The following SEPTIN2 variants were observed in gnomAD, a reference collection of about 807,000 sequenced individuals.
SEPTIN2 encodes the protein septin 2, also known as septin-2.
In SEPTIN2, 34 loss-of-function variants were observed where a neutral mutation model predicts 46.5. The observed-to-expected ratio is 0.73, with a 90% CI of 0.56 to 0.97. The LOEUF (loss-of-function observed/expected upper bound fraction) is 0.97, where lower values mean the gene tolerates loss of function less well. Ranked by LOEUF, SEPTIN2 falls within the 50% of genes least tolerant of loss-of-function variation. The pLI, the probability that SEPTIN2 is intolerant of heterozygous loss-of-function variation, is 0.00. For missense variants in SEPTIN2, 347 were observed against 448.4 expected (o/e 0.77, Z 2.04); for synonymous variants, 175 against 153.4 (o/e 1.14, Z -1.04).
Position 241,320,457 on chromosome 2 carries a change from T to G in SEPTIN2, c.-17-3759T>G, listed in dbSNP as rs755851210. Reference sequence around the variant, plus strand: ...ATTTTAGCTACTTTTCTATATTTGCTATTTTTTCCTGAATTGGGCTTGTGA... The same window carrying G: ...ATTTTAGCTACTTTTCTATATTTGCGATTTTTTCCTGAATTGGGCTTGTGA... On this transcript the variant is annotated intron_variant, in intron 1 of 12. Transcript: ENST00000391971. Among the ~76,000 whole-genome samples the G allele has an allele frequency of 1.1e-4, 17 of 152,226 alleles. 1 individual carries two copies. The highest frequency in any genetic ancestry group is 6.2e-4 in the South Asian group (3 of 4,832).
intron 1 of SEPTIN2, 70 bp from the exon 2 acceptor site, chr2:241,324,146 A>C (rs1012725084): frequency 1.4e-6 from 2 of 1,432,354 alleles, no homozygotes; most frequent in African/African-American, 2.9e-5. Context: ...CACGCTGTTA[A>C]ATATACGTGC....
intron 2 of SEPTIN2, chr2:241,324,715 T>C: frequency 5.2e-6 from 1 of 191,852 alleles, no homozygotes; most frequent in Non-Finnish European, 1.1e-5. Flanking sequence ...TGGAGCTTTC[T>C]CTTTTTTCAG....
At chr2:241,328,574 T>TAA (rs1004608825) in intron 3 of SEPTIN2, among the ~76,000 whole-genome samples, 19 of 140,488 alleles carry the variant, frequency 1.4e-4, no homozygotes, top group African/African-American at 5.0e-4. Context: ...CTGCCTTTAC[T>TAA]AAAAAAAAAA....
rs746889013 is a variant in SEPTIN2 at position 241,336,069 on chromosome 2, C to G, written c.312C>G (p.Gly104=). Residue 104 remains glycine, a synonymous_variant, in exon 5 of 13, where the codon GGC becomes GGG. Coordinates refer to ENST00000391971, the MANE Select transcript of SEPTIN2 (RefSeq NM_004404.5). ...KLRLTVVDTP[G]YGDAINCRDC... ...GCCTGACAGTGGTAGATACCCCTGG[C>G]TATGGTGACGCTATCAACTGCAGAG... The G allele has an allele frequency of 3.9e-5, 63 of 1,614,168 alleles. No individual in the cohort carries two copies. Among genetic ancestry groups the G allele is most frequent in the Non-Finnish European group, 5.3e-5 (63 of 1,180,026 alleles).
At chr2:241,317,157 C>T (rs1249519270) in intron 1 of SEPTIN2, 2 of 152,174 alleles carry the variant, frequency 1.3e-5, no homozygotes, top group Non-Finnish European at 2.9e-5. Context: ...ATTCTTGATA[C>T]TTCTGATTTG....
intron 7 of SEPTIN2, among the ~76,000 whole-genome samples, chr2:241,339,034 ATAT>A (rs35846368): frequency 0.15 from 19,526 of 126,878 alleles, 1,710 homozygotes; most frequent in Middle Eastern, 0.26. Context: ...ATTTATATAC[ATAT>A]TATATATACA....
rs2079851365 is a variant in SEPTIN2, at chr2:241,335,734, G to GA, written c.218-241_218-240insA. The stretch of plus-strand genomic sequence containing the variant: ...TTCGTAAATTGCTTTCTTTTTCCCA[G>GA]GAACAGAAATTATAATTTTTAACAT... On this transcript the variant is annotated intron_variant, in intron 4 of 12. Transcript: ENST00000391971. 13 of 575,578 alleles carry GA rather than the reference G, an allele frequency of 2.3e-5. 1 individual carries two copies. Among genetic ancestry groups the GA allele is most frequent in the South Asian group, 4.5e-5 (2 of 44,178 alleles). 35.7% of individuals were successfully genotyped at this position (575,578 alleles called of 1,614,324 possible).
intron 3 of SEPTIN2, among the ~76,000 whole-genome samples, chr2:241,328,676 A>G (rs1458343153): frequency 6.6e-6 from 1 of 152,110 alleles, no homozygotes; most frequent in African/African-American, 2.4e-5. Flanking sequence ...TAGGAGGTGG[A>G]GGTTGCAGTG....
At chr2:241,342,477 T>G (rs1329372791) in intron 7 of SEPTIN2, among the ~76,000 whole-genome samples, 1 of 152,026 alleles carries the variant, frequency 6.6e-6, no homozygotes, top group Non-Finnish European at 1.5e-5. Flanking sequence ...GTTATTTTTA[T>G]TCTGTACAGA....
At chr2:241,333,540 C>T (rs757598344) in intron 3 of SEPTIN2, among the ~76,000 whole-genome samples, 16 of 152,198 alleles carry the variant, frequency 1.1e-4, no homozygotes, top group Non-Finnish European at 1.8e-4. Flanking sequence ...GATGGAGTCT[C>T]GCTCAGTCGC....
chr2:241,351,338 A>G (rs896000696), intron 12 of SEPTIN2: 5 of 152,180 alleles, frequency 3.3e-5, no homozygotes, highest in African/African-American at 1.2e-4. Context: ...AATGCACAAA[A>G]ATACGTATGT....
intron 2 of SEPTIN2, 47 bp from the exon 3 acceptor site, chr2:241,325,946 A>T (rs373658478): frequency 6.5e-7 from 1 of 1,549,728 alleles, no homozygotes; most frequent in Non-Finnish European, 8.7e-7. Context: ...TCTTAAAAGC[A>T]ACTACTAAGG....
At chr2:241,335,489 AT>A in intron 4 of SEPTIN2, 1 of 781,894 alleles carries the variant, frequency 1.3e-6, no homozygotes, top group Non-Finnish European at 2.1e-6. Flanking sequence ...TGATGGAAGG[AT>A]TAAGTGAGAA....
intron 7 of SEPTIN2, among the ~76,000 whole-genome samples, chr2:241,339,006 A>G (rs1381411122): frequency 8.7e-6 from 1 of 115,258 alleles, no homozygotes; most frequent in Non-Finnish European, 1.7e-5. Flanking sequence ...ATATATAAAT[A>G]TTATATTTAT....
intron 5 of SEPTIN2, chr2:241,337,152 A>G: frequency 2.1e-6 from 1 of 483,970 alleles, no homozygotes; most frequent in Non-Finnish European, 3.6e-6. Flanking sequence ...CAGGTGCATC[A>G]TAACCTATTC....
chr2:241,333,649 G>A (rs1006135533), intron 3 of SEPTIN2, among the ~76,000 whole-genome samples: 35 of 151,358 alleles, frequency 2.3e-4, no homozygotes, highest in African/African-American at 6.8e-4. Flanking sequence ...GACTACAGGC[G>A]CCCGCCACCA....
intron 1 of SEPTIN2, among the ~76,000 whole-genome samples, chr2:241,323,660 G>A (rs149011382): frequency 6.6e-6 from 1 of 152,140 alleles, no homozygotes; most frequent in Non-Finnish European, 1.5e-5. Flanking sequence ...TAATCAAAAG[G>A]CTCCTGATTC....
At chr2:241,351,717 T>A (rs2060809813) in intron 12 of SEPTIN2, 1 of 152,182 alleles carries the variant, frequency 6.6e-6, no homozygotes, top group African/African-American at 2.4e-5. Flanking sequence ...ATTTTCAACC[T>A]TTATGGAATG....
chr2:241,340,955 G>A (rs2081183882), intron 7 of SEPTIN2, among the ~76,000 whole-genome samples: 1 of 152,100 alleles, frequency 6.6e-6, no homozygotes, highest in South Asian at 2.1e-4. Flanking sequence ...CAGGCTTCCT[G>A]TCATCCACCT....
Sources: gnomAD v4.1 joint callset for allele counts (sites outside exome capture counted in the v4.1 genomes callset) on GRCh38, gnomAD v4.1.1 for gene constraint, MANE v1.5 for transcripts, NCBI Gene and HGNC (gene_info 2026-07-23, HGNC 2026-07-21) for gene names.